The following LRRC4C variants were observed in gnomAD, a reference collection of about 807,000 sequenced individuals.
LRRC4C encodes leucine-rich repeat-containing protein 4C.
Under a neutral mutation model 33.6 loss-of-function variants are expected in LRRC4C, and 5 were observed. That is an observed-to-expected ratio of 0.15 (90% CI 0.08 to 0.31). The LOEUF is 0.31. Among genes scored for constraint, LRRC4C ranks in the 10% least tolerant of loss-of-function variants. The pLI is 1.00. For missense variants in LRRC4C, 560 were observed against 796.7 expected (o/e 0.70, Z 3.58); for synonymous variants, 329 against 302.0 (o/e 1.09, Z -0.93).
At chr11:41,416,329 A>T (rs1506710) in intron 1 of LRRC4C, among the ~76,000 whole-genome samples, 11,959 of 152,022 alleles carry the variant, frequency 0.079, 1,550 homozygotes, top group African/African-American at 0.27. Flanking sequence ...TGAGTGGTTC[A>T]TCTATCACTA....
chr11:40,720,596 G>T (rs1205445219), intron 2 of LRRC4C, among the ~76,000 whole-genome samples: 1 of 151,490 alleles, frequency 6.6e-6, no homozygotes, highest in East Asian at 2.0e-4. Context: ...GGCATTGGGA[G>T]GTCAGGTACC....
intron 1 of LRRC4C, among the ~76,000 whole-genome samples, chr11:41,049,812 A>T (rs1565335782): frequency 6.6e-6 from 1 of 152,242 alleles, no homozygotes; most frequent in Admixed American, 6.5e-5. Context: ...ATGTTGGCTT[A>T]CATGTACAGA....
At chr11:41,104,344 G>A (rs1308886472) in intron 1 of LRRC4C, among the ~76,000 whole-genome samples, 1 of 151,838 alleles carries the variant, frequency 6.6e-6, no homozygotes, top group African/African-American at 2.4e-5. Flanking sequence ...CAAATGGTCA[G>A]TAAGAACATA....
rs1955339781 is a variant in LRRC4C, at chr11:40,512,005, A to G, written c.-270+136137T>C. On this transcript the variant is annotated intron_variant, in intron 3 of 6. Transcript: ENST00000528697. ...TGATACTTCGTTTTTATTCTTTAGC[A>G]TGTATTAGTGCAGGATGAGCCTGAC... 2.6e-5 allele frequency among the ~76,000 whole-genome samples: 4 copies of G among 152,128 alleles called. No individual in the cohort carries two copies. In the South Asian group the frequency reaches 8.3e-4, roughly 32 times the overall value.
rs574250839 is a variant in LRRC4C at position 40,624,750 on chromosome 11, A to G, written c.-270+23392T>C. Among the ~76,000 whole-genome samples, 101 of 152,320 alleles carry G rather than the reference A, an allele frequency of 6.6e-4. 1 individual carries two copies. Among genetic ancestry groups the G allele is most frequent in the African/African-American group, 2.3e-3 (96 of 41,578 alleles). ...ACAACCCATGTTCCTTTACAATTATAGCATAATAGAAAAAACACTGAATTG... is the reference window on the plus strand; with the variant it reads ...ACAACCCATGTTCCTTTACAATTATGGCATAATAGAAAAAACACTGAATTG... On this transcript the variant is annotated intron_variant, in intron 3 of 6. Transcript: ENST00000528697.
chr11:40,280,169 C>A (rs1185244398), intron 4 of LRRC4C, among the ~76,000 whole-genome samples: 1 of 152,136 alleles, frequency 6.6e-6, no homozygotes, highest in South Asian at 2.1e-4. Flanking sequence ...CTAGGGGATA[C>A]GCTGGGCCTC....
chr11:40,971,617 C>T (rs1251872914), intron 1 of LRRC4C, among the ~76,000 whole-genome samples: 1 of 152,164 alleles, frequency 6.6e-6, no homozygotes, highest in East Asian at 1.9e-4. Flanking sequence ...AGAGTTCCCA[C>T]TGGGGTACTG....
intron 1 of LRRC4C, among the ~76,000 whole-genome samples, chr11:41,279,764 T>C (rs1218431561): frequency 6.6e-6 from 1 of 152,134 alleles, no homozygotes; most frequent in African/African-American, 2.4e-5. Context: ...AACATCAGAA[T>C]TGGAAAATAT....
At chr11:40,605,708 A>C (rs763292285) in intron 3 of LRRC4C, among the ~76,000 whole-genome samples, 6 of 152,148 alleles carry the variant, frequency 3.9e-5, no homozygotes, top group Non-Finnish European at 8.8e-5. Flanking sequence ...ACCTGCGTCT[A>C]AGCACTGACA....
intron 3 of LRRC4C, among the ~76,000 whole-genome samples, chr11:40,332,018 A>G (rs1172550829): frequency 6.6e-6 from 1 of 152,250 alleles, no homozygotes. Flanking sequence ...GTGCCATAAC[A>G]TGTAAATTAA....
At chr11:41,458,450 A>G (rs1231463956) in intron 1 of LRRC4C, among the ~76,000 whole-genome samples, 1 of 151,432 alleles carries the variant, frequency 6.6e-6, no homozygotes, top group Non-Finnish European at 1.5e-5. Context: ...CACAGACGTT[A>G]TCACAATGAA....
chr11:40,712,940 G>A (rs552429086), intron 2 of LRRC4C, among the ~76,000 whole-genome samples: 23 of 151,420 alleles, frequency 1.5e-4, no homozygotes, highest in Admixed American at 1.4e-3. Flanking sequence ...CCAAGCTGGA[G>A]TGCAGTGGTG....
chr11:40,520,303 G>T (rs1188020118), intron 3 of LRRC4C, among the ~76,000 whole-genome samples: 3 of 152,126 alleles, frequency 2.0e-5, no homozygotes, highest in Non-Finnish European at 2.9e-5. Flanking sequence ...ACTCTTTGGT[G>T]CAGGAGGCCT....
chr11:40,592,115 A>G (rs538120889), intron 3 of LRRC4C, among the ~76,000 whole-genome samples: 4 of 152,362 alleles, frequency 2.6e-5, no homozygotes, highest in Non-Finnish European at 5.9e-5. Flanking sequence ...ATGAAAGTAC[A>G]ATGATGGGCC....
At chr11:40,152,564 C>T (rs759614053) in intron 5 of LRRC4C, among the ~76,000 whole-genome samples, 21 of 152,158 alleles carry the variant, frequency 1.4e-4, no homozygotes, top group Non-Finnish European at 3.1e-4. Context: ...AAGTCCCTCT[C>T]GCCCTCTGCC....
intron 2 of LRRC4C, among the ~76,000 whole-genome samples, chr11:40,708,817 C>T (rs1367205386): frequency 6.6e-6 from 1 of 152,082 alleles, no homozygotes; most frequent in Non-Finnish European, 1.5e-5. Flanking sequence ...ATGTTAAAAT[C>T]TCCCATTATT....
intron 1 of LRRC4C, among the ~76,000 whole-genome samples, chr11:41,121,460 G>C (rs1023556238): frequency 6.6e-6 from 1 of 151,994 alleles, no homozygotes; most frequent in Non-Finnish European, 1.5e-5. Flanking sequence ...CTTTTCCCTC[G>C]TAATACTTCT....
intron 2 of LRRC4C, among the ~76,000 whole-genome samples, chr11:40,689,304 C>T (rs1351136430): frequency 1.3e-5 from 2 of 151,908 alleles, no homozygotes; most frequent in African/African-American, 2.4e-5. Context: ...TCAGTACTGC[C>T]TGATCCATCT....
intron 1 of LRRC4C, among the ~76,000 whole-genome samples, chr11:40,946,494 C>A (rs558506441): frequency 6.6e-6 from 1 of 152,214 alleles, no homozygotes; most frequent in South Asian, 2.1e-4. Flanking sequence ...GTTTTAAGTT[C>A]TTTGAGAAGT....
Sources: gnomAD v4.1 joint callset for allele counts (sites outside exome capture counted in the v4.1 genomes callset) on GRCh38, gnomAD v4.1.1 for gene constraint, MANE v1.5 for transcripts, NCBI Gene and HGNC (gene_info 2026-07-23, HGNC 2026-07-21) for gene names.